The following TRPS1 variants were observed in gnomAD, a reference collection of about 807,000 sequenced individuals.
The protein encoded by TRPS1 is transcriptional repressor GATA binding 1.
TRPS1 carries 6 observed loss-of-function variants against 101.2 expected under a neutral mutation model. The observed-to-expected ratio is 0.06, with a 90% CI of 0.03 to 0.12. The LOEUF (loss-of-function observed/expected upper bound fraction) is 0.12, where lower values mean the gene tolerates loss of function less well. Among genes scored for constraint, TRPS1 ranks in the 10% least tolerant of loss-of-function variants. The pLI, the probability that TRPS1 is intolerant of heterozygous loss-of-function variation, is 1.00. For missense variants in TRPS1, 1,363 were observed against 1,567.0 expected (o/e 0.87, Z 2.20); for synonymous variants, 578 against 589.8 (o/e 0.98, Z 0.29).
intron 5 of TRPS1, among the ~76,000 whole-genome samples, chr8:115,431,528 GATTAC>G (rs1358205847): frequency 6.6e-6 from 1 of 151,738 alleles, no homozygotes; most frequent in African/African-American, 2.4e-5. Flanking sequence ...GATCTTTAAG[GATTAC>G]ATTACATAAC....
intron 6 of TRPS1, among the ~76,000 whole-genome samples, chr8:115,415,687 C>T (rs1238833153): frequency 6.6e-6 from 1 of 152,062 alleles, no homozygotes; most frequent in Non-Finnish European, 1.5e-5. Flanking sequence ...AGATCTCTCT[C>T]CACTATGTGA....
intron 4 of TRPS1, among the ~76,000 whole-genome samples, chr8:115,591,618 T>A (rs1457451373): frequency 6.6e-6 from 1 of 152,152 alleles, no homozygotes; most frequent in Non-Finnish European, 1.5e-5. Context: ...GGAGAGGACC[T>A]CGTGAACCAA....
At chr8:115,430,712 T>G (rs1399426846) in intron 5 of TRPS1, among the ~76,000 whole-genome samples, 2 of 152,132 alleles carry the variant, frequency 1.3e-5, no homozygotes, top group Admixed American at 6.5e-5. Context: ...TGTATATACA[T>G]GTACATACAA....
At chr8:115,451,502 T>C (rs1285673418) in intron 5 of TRPS1, among the ~76,000 whole-genome samples, 2 of 152,066 alleles carry the variant, frequency 1.3e-5, no homozygotes, top group African/African-American at 4.8e-5. Context: ...CTGCAAAAAA[T>C]GCAACCCCTT....
At chr8:115,606,369 C>T (rs1818038376) in intron 3 of TRPS1, among the ~76,000 whole-genome samples, 1 of 152,126 alleles carries the variant, frequency 6.6e-6, no homozygotes, top group African/African-American at 2.4e-5. Context: ...AAATTTATGT[C>T]CAGTATTATA....
intron 5 of TRPS1, among the ~76,000 whole-genome samples, chr8:115,481,148 CA>C (rs763137465): frequency 2.6e-5 from 4 of 151,950 alleles, no homozygotes; most frequent in African/African-American, 2.4e-5. Flanking sequence ...AACGGTTTGG[CA>C]AATAAGATAT....
intron 5 of TRPS1, among the ~76,000 whole-genome samples, chr8:115,486,791 G>A (rs887195496): frequency 2.0e-5 from 3 of 152,142 alleles, no homozygotes; most frequent in Non-Finnish European, 2.9e-5. Context: ...TCTTAATCTA[G>A]CAGAGGTTGG....
chr8:115,538,572 T>C (rs1183328892), intron 5 of TRPS1, among the ~76,000 whole-genome samples: 1 of 144,342 alleles, frequency 6.9e-6, no homozygotes, highest in Non-Finnish European at 1.5e-5. Context: ...AGAGTGAGGG[T>C]CAAATTCTCA....
intron 5 of TRPS1, among the ~76,000 whole-genome samples, chr8:115,543,197 T>C (rs1284936847): frequency 6.6e-6 from 1 of 152,120 alleles, no homozygotes; most frequent in Non-Finnish European, 1.5e-5. Flanking sequence ...TCACTATCAC[T>C]GTTATAGGGA....
intron 5 of TRPS1, among the ~76,000 whole-genome samples, chr8:115,505,340 T>G (rs1815415691): frequency 6.6e-6 from 1 of 152,050 alleles, no homozygotes; most frequent in Non-Finnish European, 1.5e-5. Flanking sequence ...CCAATAAGAG[T>G]ACTTGGCCTC....
At chr8:115,581,529 T>C (rs905961869) in intron 5 of TRPS1, among the ~76,000 whole-genome samples, 1 of 152,056 alleles carries the variant, frequency 6.6e-6, no homozygotes, top group Admixed American at 6.6e-5. Flanking sequence ...AATTATTGTG[T>C]GTGCATTAAA....
chr8:115,427,738 C>A (rs963952668), intron 5 of TRPS1, among the ~76,000 whole-genome samples: 2 of 151,382 alleles, frequency 1.3e-5, no homozygotes, highest in East Asian at 3.9e-4. Context: ...TTTTGAGGTA[C>A]CAGAAAGAAA....
At chr8:115,548,477 AC>A (rs1816630470) in intron 5 of TRPS1, among the ~76,000 whole-genome samples, 1 of 152,000 alleles carries the variant, frequency 6.6e-6, no homozygotes, top group Admixed American at 6.6e-5. Flanking sequence ...AGCTGGGATT[AC>A]AGGTGCCCCG....
chr8:115,474,520 T>C (rs1429484125), intron 5 of TRPS1, among the ~76,000 whole-genome samples: 1 of 152,140 alleles, frequency 6.6e-6, no homozygotes, highest in Non-Finnish European at 1.5e-5. Context: ...TCTCTCATAT[T>C]GTAGCTTAAA....
chr8:115,494,145 C>A (rs1311674858), intron 5 of TRPS1, among the ~76,000 whole-genome samples: 1 of 152,206 alleles, frequency 6.6e-6, no homozygotes, highest in African/African-American at 2.4e-5. Context: ...TGGCAATTTT[C>A]TCCCATGGCT....
rs34094363 is a variant in TRPS1 at position 115,604,181 on chromosome 8, A to G, written c.1788T>C (p.Tyr596=). The G allele has an allele frequency of 3.2e-3, 5,223 of 1,614,062 alleles. 111 individuals are homozygous for G. In the African/African-American group the frequency reaches 0.05, roughly 15 times the overall value. Residue 596 remains tyrosine (Y), a synonymous_variant, in exon 4 of 7, where the codon TAT becomes TAC. Coordinates refer to ENST00000395715, the MANE Select transcript of TRPS1 (RefSeq NM_014112.5). The surrounding 1 kb of genome is among the most constrained non-coding windows in gnomAD (Gnocchi z 4.1). ...AATTACTTTTTCTACAAGCAAACGG[A>G]TAAGTAATTTCTCCAAGGTGCTTTT... ...SPEKHLGEIT[Y]PFACRKSNCS...
At chr8:115,523,657 A>T (rs376331768) in intron 5 of TRPS1, among the ~76,000 whole-genome samples, 9 of 152,194 alleles carry the variant, frequency 5.9e-5, no homozygotes, top group Non-Finnish European at 1.3e-4. Flanking sequence ...GTTTCTCTGT[A>T]GTCCGAGGCT....
In TRPS1 at chr8:115,623,837, T is replaced by G. The variant is rs1301743540; in HGVS notation, c.-121-79A>C. 43 of 1,308,202 alleles carry G rather than the reference T, an allele frequency of 3.3e-5. No homozygotes were observed. The East Asian group carries it at 1.1e-3, about 34-fold the overall frequency. The allele number at this position is 1,308,202 out of a possible 1,614,324, so 81.0% of individuals were successfully genotyped here. ...TTCATGTATCACACCTAAAATATATTAATATGCTGGCATCATAGGCTGCCT... is the reference window on the plus strand; with the variant it reads ...TTCATGTATCACACCTAAAATATATGAATATGCTGGCATCATAGGCTGCCT... On this transcript the variant is annotated intron_variant, in intron 1 of 6. Transcript: ENST00000395715.
chr8:115,587,862 T>TGCAC (rs1204376410), intron 4 of TRPS1, among the ~76,000 whole-genome samples: 29 of 152,096 alleles, frequency 1.9e-4, no homozygotes, highest in African/African-American at 6.8e-4. Context: ...ACACGCATCG[T>TGCAC]GCACGCACGC....
Sources: gnomAD v4.1 joint callset for allele counts (sites outside exome capture counted in the v4.1 genomes callset) on GRCh38, gnomAD v4.1.1 for gene constraint, Gnocchi (gnomAD v3.1) non-coding constraint, MANE v1.5 for transcripts, NCBI Gene and HGNC (gene_info 2026-07-23, HGNC 2026-07-21) for gene names.